ZBTB47: variants seen among roughly 807,000 people sequenced by gnomAD.
ZBTB47 encodes the protein zinc finger and BTB domain-containing protein 47.
In ZBTB47, 24 loss-of-function variants were observed where a neutral mutation model predicts 56.6. The observed-to-expected ratio is 0.42, with a 90% confidence interval of 0.31 to 0.60. The LOEUF (loss-of-function observed/expected upper bound fraction) is 0.60, where lower values mean the gene tolerates loss of function less well. ZBTB47 is among the 20% of genes least tolerant of loss of function. ZBTB47 has a pLI of 0.14. For synonymous variants in ZBTB47, 414 were observed against 418.9 expected (o/e 0.99, Z 0.14); for missense variants, 829 against 1,032.6 (o/e 0.80, Z 2.70).
At chr3:42,664,060 C>T (rs1577629733) in intron 5 of ZBTB47, 119 bp downstream of exon 5, 1 of 1,473,196 alleles carries the variant, frequency 6.8e-7, no homozygotes. Flanking sequence ...CTCCGTTTAC[C>T]CATGCTTCCT....
Position 42,659,254 on chromosome 3 carries a change from G to GGGA in ZBTB47, c.915_917dup (p.Glu307dup), listed in dbSNP as rs558162168. 35 of 1,504,532 alleles carry GGGA rather than the reference G, an allele frequency of 2.3e-5. No individual in the cohort carries two copies. Among genetic ancestry groups the GGGA allele is most frequent in the African/African-American group, 2.8e-5 (2 of 71,564 alleles). The allele number at this position is 1,504,532 out of a possible 1,614,324, so 93.2% of individuals were successfully genotyped here. A position where few individuals can be genotyped will look rare whatever the true frequency, so the allele number is the denominator to read the frequency against. ...GAAGAGGAAGGTGGTGGCAGTGGAC[G>GGGA]GGAGGAGGAGGAGGAGGAAGAGGGT... On this transcript the variant is annotated inframe_insertion, in exon 2 of 6. Transcript: ENST00000232974.
chr3:42,659,044 A>C lies in ZBTB47; in HGVS notation c.689A>C (p.Glu230Ala). 1 of 1,528,272 alleles carries C rather than the reference A, an allele frequency of 6.5e-7. No individual in the cohort carries two copies. The highest frequency in any genetic ancestry group is 8.8e-7 in the Non-Finnish European group (1 of 1,142,786). The allele number at this position is 1,528,272 out of a possible 1,614,324, so 94.7% of individuals were successfully genotyped here. The change falls in exon 2 of 6, where the codon GAG (glutamate) becomes GCG (alanine). Residue 230 changes from glutamate (E) to alanine (A), a missense_variant. Around this residue, in one of 6 missense-constraint regions of ZBTB47, gnomAD observed 359 missense variants for 359.8 expected, o/e 1.00. Transcript: ENST00000232974. ...LGGSGTYSRR[E>A]QSQIIVEVNL... ...GGTTCTGGCACCTACAGCCGCAGGG[A>C]GCAATCCCAGATCATCGTGGAGGTG...
chr3:42,664,677 A>G lies in ZBTB47; in HGVS notation c.*79A>G. On this transcript the variant is annotated 3_prime_UTR_variant, in exon 6 of 6. Coordinates refer to ENST00000232974, the MANE Select transcript of ZBTB47 (RefSeq NM_145166.4). ...GGAGGGACCCACTGCCTTCCCGGGGAGCACAGTAGTGCGGGCCTGGGCCCT... is the reference window on the plus strand; with the variant it reads ...GGAGGGACCCACTGCCTTCCCGGGGGGCACAGTAGTGCGGGCCTGGGCCCT... The G allele has an allele frequency of 3.7e-6, 5 of 1,348,700 alleles. No homozygotes were observed. The highest frequency in any genetic ancestry group is 4.7e-6 in the Non-Finnish European group (5 of 1,054,292). 83.5% of individuals were successfully genotyped at this position (1,348,700 alleles called of 1,614,324 possible).
rs66933062 is a variant in ZBTB47, at chr3:42,667,226, C to T, written c.*2628C>T. On this transcript the variant is annotated 3_prime_UTR_variant, in exon 6 of 6. Coordinates refer to ENST00000232974, the MANE Select transcript of ZBTB47 (RefSeq NM_145166.4). The stretch of plus-strand genomic sequence containing the variant: ...CCAAGGAGATCTGTGGGGGTCCCAC[C>T]GTCCATCTGGACTTCTCAGCCTGTT... 0.06 allele frequency among the ~76,000 whole-genome samples: 9,103 copies of T among 152,288 alleles called. 366 individuals carry two copies. The highest frequency in any genetic ancestry group is 0.099 in the South Asian group (478 of 4,826).
In ZBTB47 at chr3:42,658,744, G is replaced by A. The variant is rs1710669811; in HGVS notation, c.389G>A (p.Ser130Asn). 2 of 1,532,486 alleles carry A rather than the reference G, an allele frequency of 1.3e-6. No homozygotes were observed. Among genetic ancestry groups the A allele is most frequent in the Non-Finnish European group, 1.7e-6 (2 of 1,144,582 alleles). The allele number at this position is 1,532,486 out of a possible 1,614,324, so 94.9% of individuals were successfully genotyped here. The change falls in exon 2 of 6, where the codon AGC (serine) becomes AAC (asparagine). Residue 130 changes from serine to asparagine, a missense_variant. By Grantham distance (46) the Ser-to-Asn change is conservative (BLOSUM62 1). Transcript: ENST00000232974. ...GTVALAQPAA[S>N]CTPAAPPYYC... is the part of the protein sequence containing the mutation. ...GTGGCCCTGGCCCAGCCGGCTGCCA[G>A]CTGCACTCCAGCTGCGCCGCCCTAC...
chr3:42,657,928 C>G (rs1248660512), intron 1 of ZBTB47, among the ~76,000 whole-genome samples: 2 of 152,208 alleles, frequency 1.3e-5, no homozygotes, highest in African/African-American at 2.4e-5. Flanking sequence ...TGCCCAGGTC[C>G]CTGGCAAACC....
At chr3:42,659,996 G>C (rs978659535) in intron 2 of ZBTB47, among the ~76,000 whole-genome samples, 168 bp downstream of exon 2, 5 of 152,254 alleles carry the variant, frequency 3.3e-5, no homozygotes, top group Non-Finnish European at 5.9e-5. Flanking sequence ...AGGGTGGTTA[G>C]AGCTCAGGGG....
chr3:42,659,879 G>C, intron 2 of ZBTB47, 51 bp downstream of exon 2: 2 of 1,524,398 alleles, frequency 1.3e-6, no homozygotes, highest in Non-Finnish European at 1.8e-6. Flanking sequence ...GGTGGGGCTA[G>C]GCCATAACTG....
chr3:42,659,323 G>A lies in ZBTB47; in HGVS notation c.968G>A (p.Ser323Asn). ...EEEEEEEDGH[S>N]EQEEEEEEEE... Reference sequence around the variant, plus strand: ...GAAGAAGAGGAGGAGGACGGGCACAGTGAGCAGGAAGAGGAAGAGGAGGAG... The same window carrying A: ...GAAGAAGAGGAGGAGGACGGGCACAATGAGCAGGAAGAGGAAGAGGAGGAG... The change falls in exon 2 of 6, where the codon AGT (serine) becomes AAT (asparagine). Residue 323 changes from serine to asparagine, a missense_variant. Transcript: ENST00000232974. The A allele has an allele frequency of 6.8e-7, 1 of 1,471,166 alleles. No homozygotes were observed. Among genetic ancestry groups the A allele is most frequent in the Non-Finnish European group, 9.1e-7 (1 of 1,093,804 alleles). The allele number at this position is 1,471,166 out of a possible 1,614,324, so 91.1% of individuals were successfully genotyped here. A position where few individuals can be genotyped will look rare whatever the true frequency, so the allele number is the denominator to read the frequency against.
Position 42,658,793 on chromosome 3 carries a change from C to T in ZBTB47, c.438C>T (p.Ala146=), listed in dbSNP as rs553392404. 81 of 1,532,230 alleles carry T rather than the reference C, an allele frequency of 5.3e-5. No homozygotes were observed. Among genetic ancestry groups the T allele is most frequent in the African/African-American group, 1.9e-4 (14 of 73,134 alleles). 94.9% of individuals were successfully genotyped at this position (1,532,230 alleles called of 1,614,324 possible). A position where few individuals can be genotyped will look rare whatever the true frequency, so the allele number is the denominator to read the frequency against. The change falls in exon 2 of 6, where the codon GCC becomes GCT. Residue 146 remains alanine (A), a synonymous_variant. Transcript: ENST00000232974. ...ACTACTGTGACATCAAGCAGGAGGC[C>T]GACACCCCAGGCCTGCCCAAGATCT... ...PPYYCDIKQE[A]DTPGLPKIYA...
At position 42,664,843 on chromosome 3, in the gene ZBTB47, CTT is replaced by C. The variant is rs11458566; in HGVS notation, c.*258_*259del. On this transcript the variant is annotated 3_prime_UTR_variant, in exon 6 of 6. Transcript: ENST00000232974. ...TTTCTGTGACTCCTTGAAGCCTTTACTTTTTTTTTTTTTTGGAAGTGAAGGAA... is the reference window on the plus strand; with the variant it reads ...TTTCTGTGACTCCTTGAAGCCTTTACTTTTTTTTTTTTGGAAGTGAAGGAA... 9.5e-4 allele frequency: 286 copies of C among 299,532 alleles called. No individual in the cohort carries two copies. The highest frequency in any genetic ancestry group is 1.8e-3 in the Middle Eastern group (2 of 1,082). 18.6% of individuals were successfully genotyped at this position (299,532 alleles called of 1,614,324 possible).
chr3:42,658,351 G>C lies in ZBTB47; in HGVS notation c.-5G>C, dbSNP rs1416267993. 2 of 1,530,578 alleles carry C rather than the reference G, an allele frequency of 1.3e-6. No individual in the cohort carries two copies. Among genetic ancestry groups the C allele is most frequent in the Non-Finnish European group, 1.7e-6 (2 of 1,143,140 alleles). 94.8% of individuals were successfully genotyped at this position (1,530,578 alleles called of 1,614,324 possible). On this transcript the variant is annotated 5_prime_UTR_variant, in exon 2 of 6. Transcript: ENST00000232974. ...GAGGACGTGGCGCTGCACTTTGCCT[G>C]CTTGATGGGCCGCCTGAACGAGCAG... is the stretch of plus-strand genomic sequence containing the variant.
Position 42,666,314 on chromosome 3 carries a change from G to A in ZBTB47, c.*1716G>A, listed in dbSNP as rs1252252187. ...TACGCTCAGGCGCTCCTGCTGTCCTGGGGGAGAGAAGGTTCGCCCCTCCCC... is the reference window on the plus strand; with the variant it reads ...TACGCTCAGGCGCTCCTGCTGTCCTAGGGGAGAGAAGGTTCGCCCCTCCCC... On this transcript the variant is annotated 3_prime_UTR_variant, in exon 6 of 6. Transcript: ENST00000232974. 6.6e-6 allele frequency among the ~76,000 whole-genome samples: 1 copy of A among 152,152 alleles called. No homozygotes were observed. Among genetic ancestry groups the A allele is most frequent in the Admixed American group, 6.5e-5 (1 of 15,276 alleles).
In ZBTB47 at chr3:42,665,532, C is replaced by T. The variant is rs1053816715; in HGVS notation, c.*934C>T. 1 of 152,958 alleles carries T rather than the reference C, an allele frequency of 6.5e-6. No individual in the cohort carries two copies. Among genetic ancestry groups the T allele is most frequent in the Non-Finnish European group, 1.5e-5 (1 of 68,336 alleles). 9.5% of individuals were successfully genotyped at this position (152,958 alleles called of 1,614,324 possible). A position where few individuals can be genotyped will look rare whatever the true frequency, so the allele number is the denominator to read the frequency against. On this transcript the variant is annotated 3_prime_UTR_variant, in exon 6 of 6. Coordinates refer to ENST00000232974, the MANE Select transcript of ZBTB47 (RefSeq NM_145166.4). ...GGCAGGGCGGCTGCTCACAGAGCAC[C>T]CCAGTTCCTCACCAGCTACTCTGGC...
Position 42,659,809 on chromosome 3 carries a change from A to G in ZBTB47, c.1454A>G (p.Asp485Gly). Residue 485 changes from aspartate (D) to glycine (G), a missense_variant, in exon 2 of 6, where the codon GAC becomes GGC. Asp to Gly is a moderately conservative substitution (Grantham distance 94). Around this residue, in one of 6 missense-constraint regions of ZBTB47, gnomAD observed 187 missense variants for 253.1 expected, o/e 0.74. Transcript: ENST00000232974. ...GAGCTGCTGCTGCACAGGCAGACAGACTGCGAGCGCAACATCCAGGTGGGC... is the reference window on the plus strand; with the variant it reads ...GAGCTGCTGCTGCACAGGCAGACAGGCTGCGAGCGCAACATCCAGGTGGGC... ...ESELLLHRQTDCERNIQCVTC... is the reference protein window; with the variant it reads ...ESELLLHRQTGCERNIQCVTC... The G allele has an allele frequency of 6.2e-7, 1 of 1,608,268 alleles. No homozygotes were observed. Among genetic ancestry groups the G allele is most frequent in the Non-Finnish European group, 8.5e-7 (1 of 1,176,340 alleles).
chr3:42,664,423 C>A lies in ZBTB47; in HGVS notation c.2069C>A (p.Ala690Asp). 6.5e-7 allele frequency: 1 copy of A among 1,550,356 alleles called. No individual in the cohort carries two copies. The highest frequency in any genetic ancestry group is 8.7e-7 in the Non-Finnish European group (1 of 1,150,246). ...EKCFRVSHTLAGDGVPAAPGL... is the reference protein window; with the variant it reads ...EKCFRVSHTLDGDGVPAAPGL... ...TGCTTCCGCGTCAGCCACACCCTGG[C>A]CGGCGACGGCGTCCCCGCTGCCCCA... Residue 690 changes from alanine (A) to aspartate (D), a missense_variant, in exon 6 of 6, where the codon GCC becomes GAC. By Grantham distance (126) the Ala-to-Asp change is moderately radical. This residue lies in a region of ZBTB47 where 115 missense variants were observed against 117.2 expected (regional missense o/e 0.98). Transcript: ENST00000232974.
Position 42,659,234 on chromosome 3 carries a change from G to A in ZBTB47, c.879G>A (p.Glu293=), listed in dbSNP as rs960003776. The part of the protein sequence containing the change: ...DEEEEEEEEE[E]EGGGSGREEE... ...AGGAGGAGGAGGAAGAAGAGGAAGA[G>A]GAAGGTGGTGGCAGTGGACGGGAGG... Residue 293 remains glutamate, a synonymous_variant, in exon 2 of 6, where the codon GAG becomes GAA. Coordinates refer to ENST00000232974, the MANE Select transcript of ZBTB47 (RefSeq NM_145166.4). The A allele has an allele frequency of 1.3e-6, 2 of 1,531,300 alleles. No individual in the cohort carries two copies. Among genetic ancestry groups the A allele is most frequent in the African/African-American group, 1.4e-5 (1 of 72,818 alleles). 94.9% of individuals were successfully genotyped at this position (1,531,300 alleles called of 1,614,324 possible).
intron 2 of ZBTB47, 27 bp from the exon 3 acceptor site, chr3:42,661,458 A>G: frequency 6.2e-7 from 1 of 1,610,200 alleles, no homozygotes; most frequent in South Asian, 1.1e-5. Flanking sequence ...CTCAGGACCC[A>G]GGGCCTCAAG....
intron 5 of ZBTB47, 138 bp downstream of exon 5, chr3:42,664,079 G>A (rs1559608390): frequency 1.1e-5 from 16 of 1,469,104 alleles, no homozygotes; most frequent in Non-Finnish European, 1.3e-5. Flanking sequence ...CTGCCTCCCA[G>A]GGTTGGGTGA....
Sources: gnomAD v4.1 joint callset for allele counts (sites outside exome capture counted in the v4.1 genomes callset) on GRCh38, gnomAD v4.1.1 for gene constraint, gnomAD v4.1.1 regional missense constraint, MANE v1.5 for transcripts, NCBI Gene and HGNC (gene_info 2026-07-23, HGNC 2026-07-21) for gene names.